IL27RA: variants seen among roughly 807,000 people sequenced by gnomAD.
IL27RA encodes the protein interleukin 27 receptor subunit alpha, also known as interleukin-27 receptor subunit alpha.
A neutral mutation model predicts 80.8 loss-of-function variants in IL27RA; 61 were observed. The observed-to-expected ratio is 0.76, with a 90% CI of 0.61 to 0.93. IL27RA has a LOEUF of 0.93. Ranked by LOEUF, IL27RA falls within the 40% of genes least tolerant of loss-of-function variation. The probability of loss-of-function intolerance (pLI) is 0.00; values close to 1 mark genes in which losing one functional copy is unlikely to be tolerated. For synonymous variants in IL27RA, 316 were observed against 332.5 expected (o/e 0.95, Z 0.54); for missense variants, 735 against 808.1 (o/e 0.91, Z 1.10).
At chr19:14,041,283 C>T (rs1054303634) in intron 4 of IL27RA, among the ~76,000 whole-genome samples, 1 of 152,046 alleles carries the variant, frequency 6.6e-6, no homozygotes, top group African/African-American at 2.4e-5. Context: ...CTGCAACCTC[C>T]ACCTCTCAGG....
chr19:14,036,986 C>T (rs1485898836), intron 2 of IL27RA, among the ~76,000 whole-genome samples: 1 of 152,030 alleles, frequency 6.6e-6, no homozygotes, highest in Non-Finnish European at 1.5e-5. Context: ...CAGGCATGCG[C>T]CATCACACCT....
intron 8 of IL27RA, among the ~76,000 whole-genome samples, chr19:14,048,209 T>C (rs1568503265): frequency 6.9e-6 from 1 of 144,054 alleles, no homozygotes; most frequent in African/African-American, 2.6e-5. Context: ...CCACCTGCCT[T>C]GGCCTCCCAA....
At position 14,046,453 on chromosome 19, in the gene IL27RA, G is replaced by C. The variant is rs61355201; in HGVS notation, c.976G>C (p.Val326Leu). The change falls in exon 8 of 14, where the codon GTG (valine) becomes CTG (leucine). Residue 326 changes from valine to leucine, a missense_variant. Coordinates refer to ENST00000263379, the MANE Select transcript of IL27RA (RefSeq NM_004843.4). ...CLDSASAPRSVAVSSIAGSTE... is the reference protein window; with the variant it reads ...CLDSASAPRSLAVSSIAGSTE... ...AGATTCAGCCTCTGCCCCCCGTAGC[G>C]TGGCAGTCAGCAGCATCGCTGGGAG... 1.1e-3 allele frequency: 1,767 copies of C among 1,614,130 alleles called. 18 individuals are homozygous for C. The African/African-American group carries it at 0.021, about 19-fold the overall frequency.
At chr19:14,049,615 C>G (rs1322396130) in intron 10 of IL27RA, among the ~76,000 whole-genome samples, 2 of 147,134 alleles carry the variant, frequency 1.4e-5, no homozygotes. Context: ...CAGAGTCTCG[C>G]TTTGTCACCA....
rs924996124 is a variant in IL27RA, at chr19:14,032,477, C to T, written c.192C>T (p.Ser64=). ...WEPLGDLGAP[S]ELHLQSQKYR... is the part of the protein sequence containing the mutation. ...CTCTTGGGGACCTGGGAGCCCCCTC[C>T]GAGTTACACCTCCAGAGCCAAAAGT... The change falls in exon 2 of 14, where the codon TCC becomes TCT. Residue 64 remains serine (S), a synonymous_variant. Coordinates refer to ENST00000263379, the MANE Select transcript of IL27RA (RefSeq NM_004843.4). 6.2e-7 allele frequency: 1 copy of T among 1,613,164 alleles called. No individual in the cohort carries two copies. Among genetic ancestry groups the T allele is most frequent in the African/African-American group, 1.3e-5 (1 of 74,768 alleles).
rs1350890534 is a variant in IL27RA at position 14,052,101 on chromosome 19, A to T, written c.1722A>T (p.Val574=). The change falls in exon 14 of 14, where the codon GTA becomes GTT. Residue 574 remains valine (V), a synonymous_variant. Transcript: ENST00000263379. ...SSSGQPHMEQ[V]PEAQPLGDLP... ...ACAGGCTCATCTCTTCCCAGCAAGT[A>T]CCTGAGGCCCAGCCCCTTGGGGACT... 1.9e-6 allele frequency: 3 copies of T among 1,612,494 alleles called. No homozygotes were observed. Among genetic ancestry groups the T allele is most frequent in the African/African-American group, 2.7e-5 (2 of 74,846 alleles).
In IL27RA at chr19:14,052,565, G is replaced by GT. The variant is rs1181349622; in HGVS notation, c.*276dup. On this transcript the variant is annotated 3_prime_UTR_variant, in exon 14 of 14. Transcript: ENST00000263379. ...GCTGCCTGCCAAAATCTGTTCCGCT[G>GT]TAACAGAACTGAATTTGGACCCCAG... 5.4e-6 allele frequency: 2 copies of GT among 371,054 alleles called. No individual in the cohort carries two copies. The highest frequency in any genetic ancestry group is 9.6e-6 in the Non-Finnish European group (2 of 207,388). The allele number at this position is 371,054 out of a possible 1,614,324, so 23.0% of individuals were successfully genotyped here.
In IL27RA at chr19:14,053,047, C is replaced by A. The variant is rs887434452; in HGVS notation, c.*757C>A. On this transcript the variant is annotated 3_prime_UTR_variant, in exon 14 of 14. Coordinates refer to ENST00000263379, the MANE Select transcript of IL27RA (RefSeq NM_004843.4). ...TGCCAACACGGGGTCTGGGTGGGGG[C>A]TCCCCCACATCCTTTCCTTGCCTAT... The A allele has an allele frequency of 6.6e-6, 1 of 152,264 alleles. No individual in the cohort carries two copies. Among genetic ancestry groups the A allele is most frequent in the African/African-American group, 2.4e-5 (1 of 41,428 alleles). 9.4% of individuals were successfully genotyped at this position (152,264 alleles called of 1,614,324 possible).
At chr19:14,050,603 C>T (rs533254626) in intron 10 of IL27RA, among the ~76,000 whole-genome samples, 155 bp from the exon 11 acceptor site, 13 of 151,686 alleles carry the variant, frequency 8.6e-5, no homozygotes, top group South Asian at 2.1e-4. Context: ...GAAAGCCTCA[C>T]GGAAGAGGTG....
intron 13 of IL27RA, 43 bp downstream of exon 13, chr19:14,052,016 G>C (rs550309559): frequency 6.4e-7 from 1 of 1,569,902 alleles, no homozygotes; most frequent in East Asian, 2.3e-5. Context: ...TGGGGGACTG[G>C]GGAGTCCTGG....
chr19:14,035,318 T>C (rs1975882058), intron 2 of IL27RA, among the ~76,000 whole-genome samples: 2 of 150,730 alleles, frequency 1.3e-5, no homozygotes, highest in South Asian at 4.2e-4. Context: ...TCTTAACCAT[T>C]TTTAAGTGTC....
chr19:14,044,750 CTG>C (rs1976039276), intron 6 of IL27RA, among the ~76,000 whole-genome samples: 1 of 151,830 alleles, frequency 6.6e-6, no homozygotes, highest in Non-Finnish European at 1.5e-5. Context: ...CTTTGAGAGT[CTG>C]AGGCAGGAGG....
chr19:14,044,246 T>C (rs539617323), intron 6 of IL27RA, among the ~76,000 whole-genome samples: 1 of 151,954 alleles, frequency 6.6e-6, no homozygotes, highest in African/African-American at 2.4e-5. Context: ...CTTTTATTTA[T>C]TTATGTATTT....
chr19:14,042,675 A>G, intron 5 of IL27RA, 41 bp from the exon 6 acceptor site: 1 of 1,613,760 alleles, frequency 6.2e-7, no homozygotes, highest in South Asian at 1.1e-5. Flanking sequence ...CTGTCCAATC[A>G]TGTCCCACTC....
At chr19:14,049,345 CCAGCCCCCACAAGACCCACCCATCAGT>C (rs767978579) in intron 10 of IL27RA, 31 bp downstream of exon 10, 1 of 1,597,606 alleles carries the variant, frequency 6.3e-7, no homozygotes, top group Non-Finnish European at 8.5e-7. Context: ...ACCTGTCCTC[CCAGCCCCCACAAGACCCACCCATCAGT>C]CAGCCCCACC....
At chr19:14,040,688 G>C (rs766403036) in intron 4 of IL27RA, among the ~76,000 whole-genome samples, 5 of 151,776 alleles carry the variant, frequency 3.3e-5, no homozygotes, top group African/African-American at 7.3e-5. Flanking sequence ...TGGGCGTGCT[G>C]GTGGGTGCCT....
chr19:14,039,632 TG>T lies in IL27RA; in HGVS notation c.345del (p.Trp115CysfsTer6). The T allele has an allele frequency of 6.2e-7, 1 of 1,613,166 alleles. No homozygotes were observed. Among genetic ancestry groups the T allele is most frequent in the Non-Finnish European group, 8.5e-7 (1 of 1,179,618 alleles). Reference protein sequence around the residue: ...VWGTKAGQPLWPPVFVNLETQ... With the variant: ...VWGTKAGQPLXPPVFVNLETQ... ...GGGCACTAAGGCAGGCCAGCCTCTCTGGCCCCCCGTCTTCGTGAACCTAGAA... is the reference window on the plus strand; with the variant it reads ...GGGCACTAAGGCAGGCCAGCCTCTCTGCCCCCCGTCTTCGTGAACCTAGAA... On this transcript the variant is annotated frameshift_variant, in exon 3 of 14. Transcript: ENST00000263379. LOFTEE classifies it high-confidence loss of function.
intron 8 of IL27RA, among the ~76,000 whole-genome samples, chr19:14,047,338 C>A (rs1171453367): frequency 6.7e-6 from 1 of 148,808 alleles, no homozygotes; most frequent in Non-Finnish European, 1.5e-5. Flanking sequence ...GCATGAGCCA[C>A]TATGCCCAGC....
At chr19:14,049,520 T>C (rs1976127126) in intron 10 of IL27RA, among the ~76,000 whole-genome samples, 1 of 152,156 alleles carries the variant, frequency 6.6e-6, no homozygotes, top group African/African-American at 2.4e-5. Context: ...CATTGAAAGA[T>C]GCTTGTCATA....
Sources: gnomAD v4.1 joint callset for allele counts (sites outside exome capture counted in the v4.1 genomes callset) on GRCh38, gnomAD v4.1.1 for gene constraint, MANE v1.5 for transcripts, NCBI Gene and HGNC (gene_info 2026-07-23, HGNC 2026-07-21) for gene names.